The following TREH variants were observed in gnomAD, a reference collection of about 807,000 sequenced individuals.
TREH encodes the protein alpha,alpha-trehalose glucohydrolase.
A neutral mutation model predicts 80.5 loss-of-function variants in TREH; 69 were observed. The ratio of observed to expected loss-of-function variants is 0.86; its 90% CI spans 0.71 to 1.05. The LOEUF is 1.05. TREH is among the 50% of genes least tolerant of loss of function. TREH has a pLI of 0.00. For missense variants in TREH, 716 were observed against 718.8 expected (o/e 1.00, Z 0.04); for synonymous variants, 309 against 293.5 (o/e 1.05, Z -0.54).
intron 1 of TREH, among the ~76,000 whole-genome samples, chr11:118,664,806 A>G (rs1949361512): frequency 1.3e-5 from 2 of 152,254 alleles, no homozygotes; most frequent in South Asian, 4.1e-4. Context: ...TGGCTTACAT[A>G]CCTTCAAAAA....
chr11:118,665,111 A>T (rs1205578061), intron 1 of TREH, among the ~76,000 whole-genome samples: 1 of 143,842 alleles, frequency 7.0e-6, no homozygotes, highest in African/African-American at 2.5e-5. Flanking sequence ...CTGTGTCTTT[A>T]AAAAAAAAAA....
rs954503790 is a variant in TREH at position 118,661,845 on chromosome 11, T to C, written c.524+45A>G. 2 of 1,573,332 alleles carry C rather than the reference T, an allele frequency of 1.3e-6. No individual in the cohort carries two copies. The highest frequency in any genetic ancestry group is 1.7e-6 in the Non-Finnish European group (2 of 1,157,516). ...TGCTGGCCCTGGGTTTCTCCACCAC[T>C]GCCAGTCCTGCAGGCCCCTTGGTCT... On this transcript the variant is annotated intron_variant, in intron 5 of 14. Transcript: ENST00000264029. The surrounding 1 kb of genome is among the most constrained non-coding windows in gnomAD (Gnocchi z 4.2).
At chr11:118,673,949 T>C (rs1949453358) in intron 1 of TREH, among the ~76,000 whole-genome samples, 1 of 152,178 alleles carries the variant, frequency 6.6e-6, no homozygotes, top group African/African-American at 2.4e-5. Flanking sequence ...ACTGTCCAAT[T>C]GGCAATAGAA....
rs578113522 is a variant in TREH at position 118,678,744 on chromosome 11, C to T, written c.89+795G>A. Among the ~76,000 whole-genome samples the T allele has an allele frequency of 3.2e-4, 49 of 150,882 alleles. No homozygotes were observed. In the South Asian group the frequency reaches 8.2e-3, roughly 25 times the overall value. On this transcript the variant is annotated intron_variant, in intron 1 of 14. Coordinates refer to ENST00000264029, the MANE Select transcript of TREH (RefSeq NM_007180.3). ...CACAGCTCCATAAATCCATGTGGAA[C>T]GAAGGGTGGACATCGCCTGAGTCCA...
Position 118,661,070 on chromosome 11 carries a change from A to G in TREH, c.857+90T>C. 6.3e-7 allele frequency: 1 copy of G among 1,592,692 alleles called. No individual in the cohort carries two copies. The highest frequency in any genetic ancestry group is 8.6e-7 in the Non-Finnish European group (1 of 1,167,118). ...GTGTCACCATCTGAGAGGCCAGGCTAAGTCACTCCTCCTCCTGCCCGGGGC... is the reference window on the plus strand; with the variant it reads ...GTGTCACCATCTGAGAGGCCAGGCTGAGTCACTCCTCCTCCTGCCCGGGGC... On this transcript the variant is annotated intron_variant, in intron 8 of 14. Transcript: ENST00000264029. This position sits in a 1 kb window ranked among gnomAD's most constrained non-coding sequence, Gnocchi z 4.2.
At chr11:118,671,979 T>C (rs1280297369) in intron 1 of TREH, among the ~76,000 whole-genome samples, 2 of 152,126 alleles carry the variant, frequency 1.3e-5, no homozygotes, top group African/African-American at 4.8e-5. Flanking sequence ...CCTTCAACCA[T>C]GAAGGAGAAA....
intron 9 of TREH, 54 bp downstream of exon 9, chr11:118,660,812 A>G (rs1428165702): frequency 6.4e-6 from 10 of 1,551,300 alleles, no homozygotes; most frequent in African/African-American, 1.4e-5. Flanking sequence ...AGCCTGACAC[A>G]GCAGGTGTGC....
rs1419132052 is a variant in TREH at position 118,659,142 on chromosome 11, C to T, written c.1433-125G>A. 5.4e-5 allele frequency: 58 copies of T among 1,067,190 alleles called. 1 individual carries two copies. In the African/African-American group the frequency reaches 8.9e-4, roughly 16 times the overall value. The allele number at this position is 1,067,190 out of a possible 1,614,324, so 66.1% of individuals were successfully genotyped here. A position where few individuals can be genotyped will look rare whatever the true frequency, so the allele number is the denominator to read the frequency against. On this transcript the variant is annotated intron_variant, in intron 12 of 14. Coordinates refer to ENST00000264029, the MANE Select transcript of TREH (RefSeq NM_007180.3). ...CCCTAAGACTTCCTTCCTGAGACCA[C>T]AGGCCAAACTGCCCTTAATCGACGG...
intron 1 of TREH, among the ~76,000 whole-genome samples, chr11:118,678,383 G>T (rs1949500982): frequency 6.6e-6 from 1 of 151,890 alleles, no homozygotes; most frequent in African/African-American, 2.4e-5. Flanking sequence ...TATTATTTGA[G>T]ATAGAGTTTT....
At chr11:118,665,551 G>A (rs1187791720) in intron 1 of TREH, among the ~76,000 whole-genome samples, 2 of 151,908 alleles carry the variant, frequency 1.3e-5, no homozygotes, top group East Asian at 1.9e-4. Context: ...GAGGCAGGAG[G>A]ATGGCGTGAA....
At chr11:118,677,129 C>A (rs1230339028) in intron 1 of TREH, among the ~76,000 whole-genome samples, 4 of 152,146 alleles carry the variant, frequency 2.6e-5, no homozygotes, top group African/African-American at 9.7e-5. Flanking sequence ...GTGGCAGGGG[C>A]CTTTGGCCGC....
intron 1 of TREH, among the ~76,000 whole-genome samples, chr11:118,678,287 T>C (rs554788016): frequency 7.2e-5 from 11 of 152,162 alleles, no homozygotes; most frequent in Non-Finnish European, 1.3e-4. Context: ...TAACACACCC[T>C]CTGCTCACCC....
In TREH at chr11:118,659,947, T is replaced by A. The variant is rs1173802399; in HGVS notation, c.1120A>T (p.Thr374Ser). The change falls in exon 11 of 15, where the codon ACG (threonine) becomes TCG (serine). Residue 374 changes from threonine (T) to serine (S), a missense_variant. Transcript: ENST00000264029. ...YSRLGNDSQATKYRILRSQRL... is the reference protein window; with the variant it reads ...YSRLGNDSQASKYRILRSQRL... The stretch of plus-strand genomic sequence containing the variant: ...TGCGACCGCAGGATTCTGTACTTCG[T>A]GGCCTGGGAGTCGTTCCCTGGGGCA... 6.4e-7 allele frequency: 1 copy of A among 1,551,404 alleles called. No individual in the cohort carries two copies. The highest frequency in any genetic ancestry group is 8.7e-7 in the Non-Finnish European group (1 of 1,146,998).
rs782182601 is a variant in TREH at position 118,658,296 on chromosome 11, GGCAGGAGGCTGA to G, written c.1733_1744del (p.Leu578_Leu581del). ...GTGAGGAGAGGAGGGCTGTCACCAT[GGCAGGAGGCTGA>G]GCAGGAGGCTGGGCAGAAGGGTGGC... On this transcript the variant is annotated inframe_deletion, in exon 15 of 15. Coordinates refer to ENST00000264029, the MANE Select transcript of TREH (RefSeq NM_007180.3). 18 of 1,586,194 alleles carry G rather than the reference GGCAGGAGGCTGA, an allele frequency of 1.1e-5. No homozygotes were observed. The East Asian group carries it at 2.3e-4, about 20-fold the overall frequency.
Position 118,660,855 on chromosome 11 carries a change from C to T in TREH, c.907+11G>A. The T allele has an allele frequency of 6.4e-7, 1 of 1,563,840 alleles. No homozygotes were observed. The highest frequency in any genetic ancestry group is 8.7e-7 in the Non-Finnish European group (1 of 1,153,574). ...CTGCCCCCAGCCCTCCCTCACCCTC[C>T]TGCTGCTCACCTTCTGGCAAGGTGT... On this transcript the variant is annotated intron_variant, in intron 9 of 14. Transcript: ENST00000264029.
At position 118,658,186 on chromosome 11, in the gene TREH, A is replaced by T; in HGVS notation, c.*103T>A. 6.9e-7 allele frequency: 1 copy of T among 1,450,910 alleles called. No homozygotes were observed. Among genetic ancestry groups the T allele is most frequent in the Non-Finnish European group, 9.3e-7 (1 of 1,079,520 alleles). 89.9% of individuals were successfully genotyped at this position (1,450,910 alleles called of 1,614,324 possible). The stretch of plus-strand genomic sequence containing the variant: ...CCCTGCCCTCCACTTCGCTCTGAGG[A>T]CAGGCTGGGAGGTAGGAGGGCATGA... On this transcript the variant is annotated 3_prime_UTR_variant, in exon 15 of 15. Coordinates refer to ENST00000264029, the MANE Select transcript of TREH (RefSeq NM_007180.3).
chr11:118,658,252 G>A lies in TREH; in HGVS notation c.*37C>T. 2 of 1,562,200 alleles carry A rather than the reference G, an allele frequency of 1.3e-6. No homozygotes were observed. Among genetic ancestry groups the A allele is most frequent in the Non-Finnish European group, 1.7e-6 (2 of 1,153,608 alleles). ...CAGGAACTGGTGCAGAGGTTTAATG[G>A]GGCAGGAGCTGGGGCCAGGTGAGGA... On this transcript the variant is annotated 3_prime_UTR_variant, in exon 15 of 15. Coordinates refer to ENST00000264029, the MANE Select transcript of TREH (RefSeq NM_007180.3).
rs561966842 is a variant in TREH at position 118,663,129 on chromosome 11, C to T, written c.258G>A (p.Leu86=). The change falls in exon 3 of 15, where the codon CTG becomes CTA. Residue 86 remains leucine, a synonymous_variant. Coordinates refer to ENST00000264029, the MANE Select transcript of TREH (RefSeq NM_007180.3). ...DHNHSIPREQ[L]QAFVHEHFQA... ...GGAAGTGTTCGTGGACAAACGCCTGCAGCTGCTCCCTGGGGATGCTGTGAT... is the reference window on the plus strand; with the variant it reads ...GGAAGTGTTCGTGGACAAACGCCTGTAGCTGCTCCCTGGGGATGCTGTGAT... The T allele has an allele frequency of 1.1e-5, 17 of 1,613,864 alleles. No homozygotes were observed. Among genetic ancestry groups the T allele is most frequent in the Admixed American group, 3.3e-5 (2 of 59,994 alleles).
Position 118,660,550 on chromosome 11 carries a change from T to G in TREH, c.1091A>C (p.Tyr364Ser), listed in dbSNP as rs367747535. The change falls in exon 10 of 15, where the codon TAT becomes TCT. Residue 364 changes from tyrosine to serine, a missense_variant. Physicochemically the swap from Tyr to Ser is moderately radical, Grantham distance 144. Transcript: ENST00000264029. ...ACTGGGGTGCTCACCCAGCCTGGAA[T>G]AGAAGTTGCTCATCAGCTCCTCTGC... ...CQAEELMSNF[Y>S]SRLGNDSQAT... The G allele has an allele frequency of 1.9e-6, 3 of 1,604,720 alleles. No individual in the cohort carries two copies. Among genetic ancestry groups the G allele is most frequent in the Non-Finnish European group, 2.6e-6 (3 of 1,174,480 alleles).
Sources: allele counts gnomAD v4.1 joint callset (sites outside exome capture counted in the v4.1 genomes callset), GRCh38; gene constraint gnomAD v4.1.1; non-coding constraint Gnocchi (gnomAD v3.1); transcripts MANE v1.5; gene names NCBI Gene and HGNC (gene_info 2026-07-23, HGNC 2026-07-21).